TRANK1: variants seen among roughly 807,000 people sequenced by gnomAD.
The protein encoded by TRANK1 is tetratricopeptide repeat and ankyrin repeat containing 1.
TRANK1 carries 198 observed loss-of-function variants against 266.0 expected under a neutral mutation model. The ratio of observed to expected loss-of-function variants is 0.74; its 90% CI spans 0.66 to 0.84. The LOEUF is 0.84. Among genes scored for constraint, TRANK1 ranks in the 40% least tolerant of loss-of-function variants. The pLI is 0.00. For synonymous variants in TRANK1, 1,396 were observed against 1,384.1 expected, an observed-to-expected ratio of 1.01 and a Z score of -0.19; for missense variants, 3,326 against 3,634.6, an observed-to-expected ratio of 0.92 and a Z score of 2.18.
At position 36,855,695 on chromosome 3, in the gene TRANK1, G is replaced by C; in HGVS notation, c.4027C>G (p.Pro1343Ala). The change falls in exon 13 of 24, where the codon CCT (proline) becomes GCT (alanine). Residue 1343 changes from proline to alanine, a missense_variant. Transcript: ENST00000645898. The stretch of plus-strand genomic sequence containing the variant: ...TTTATTTCTTTCCAAATCAGTGCAG[G>C]GTTGTAGGCAGTCCTCCCTTTGGTC... ...KMTKGRTAYN[P>A]ALIWKEIKSF... 3 of 1,613,752 alleles carry C rather than the reference G, an allele frequency of 1.9e-6. No individual in the cohort carries two copies. The highest frequency in any genetic ancestry group is 2.2e-5 in the East Asian group (1 of 44,858).
At chr3:36,847,769 G>A (rs192621490) in intron 15 of TRANK1, among the ~76,000 whole-genome samples, 15 of 152,322 alleles carry the variant, frequency 9.8e-5, no homozygotes, top group Admixed American at 2.6e-4. Context: ...ATTTAACCGA[G>A]GATGAAGAAA....
chr3:36,854,843 T>C (rs1173746114), intron 13 of TRANK1, among the ~76,000 whole-genome samples: 3 of 152,088 alleles, frequency 2.0e-5, no homozygotes, highest in Admixed American at 1.3e-4. Flanking sequence ...TTACTTTATA[T>C]AGAACGAGCA....
At chr3:36,908,734 A>G (rs1056783932) in intron 1 of TRANK1, among the ~76,000 whole-genome samples, 1 of 152,210 alleles carries the variant, frequency 6.6e-6, no homozygotes, top group Non-Finnish European at 1.5e-5. Flanking sequence ...GCATGAGACA[A>G]CATAAACCTG....
At chr3:36,868,123 G>A (rs2079253645) in intron 9 of TRANK1, among the ~76,000 whole-genome samples, 1 of 152,156 alleles carries the variant, frequency 6.6e-6, no homozygotes, top group African/African-American at 2.4e-5. Flanking sequence ...CACTGAACTG[G>A]AATAACTCGG....
At chr3:36,944,511 G>A (rs1326160831) in intron 1 of TRANK1, among the ~76,000 whole-genome samples, 3 of 152,186 alleles carry the variant, frequency 2.0e-5, no homozygotes, top group Non-Finnish European at 4.4e-5. Context: ...ATGCCGGGGT[G>A]GGAGCTAGGC....
rs1361876646 is a variant in TRANK1, at chr3:36,879,795, T to C, written c.908-5499A>G. Among the ~76,000 whole-genome samples, 2 of 45,734 alleles carry C rather than the reference T, an allele frequency of 4.4e-5. 1 individual carries two copies. The highest frequency in any genetic ancestry group is 5.3e-4 in the Admixed American group (2 of 3,784). The allele number at this position is 45,734 out of a possible 152,430, so 30.0% of individuals were successfully genotyped here. Reference sequence around the variant, plus strand: ...AAATATATATAAATATGTAAATATATAAATATACAAATATATGTAAATATA... The same window carrying C: ...AAATATATATAAATATGTAAATATACAAATATACAAATATATGTAAATATA... On this transcript the variant is annotated intron_variant, in intron 8 of 23. Coordinates refer to ENST00000645898, the MANE Select transcript of TRANK1 (RefSeq NM_001329998.2).
intron 21 of TRANK1, 54 bp downstream of exon 21, chr3:36,834,708 C>T (rs1294682250): frequency 6.4e-7 from 1 of 1,570,384 alleles, no homozygotes; most frequent in Admixed American, 1.8e-5. Context: ...CAGGCTGCCC[C>T]CAGAGAGAAG....
At chr3:36,921,896 CT>C (rs1190436532) in intron 1 of TRANK1, among the ~76,000 whole-genome samples, 1 of 152,158 alleles carries the variant, frequency 6.6e-6, no homozygotes, top group African/African-American at 2.4e-5. Flanking sequence ...AATCCCAAAA[CT>C]TTAGAAGGCT....
chr3:36,877,911 A>C (rs2079412978), intron 8 of TRANK1, among the ~76,000 whole-genome samples: 1 of 152,226 alleles, frequency 6.6e-6, no homozygotes, highest in Non-Finnish European at 1.5e-5. Context: ...GATTAATACA[A>C]AGTTGTTTTT....
At position 36,874,172 on chromosome 3, in the gene TRANK1, G is replaced by C; in HGVS notation, c.1032C>G (p.Ile344Met). 6.5e-7 allele frequency: 1 copy of C among 1,537,378 alleles called. No homozygotes were observed. The highest frequency in any genetic ancestry group is 8.7e-7 in the Non-Finnish European group (1 of 1,146,852). ...RNKNFKAIEK[I>M]NSHLEKLATC... ...TAGCTAGCTTTTCTAAGTGACTGTT[G>C]ATTTTCTCGATGGCTTTGAAGTTCT... The change falls in exon 9 of 24, where the codon ATC (isoleucine) becomes ATG (methionine). Residue 344 changes from isoleucine to methionine, a missense_variant. Physicochemically the swap from Ile to Met is conservative, Grantham distance 10. Coordinates refer to ENST00000645898, the MANE Select transcript of TRANK1 (RefSeq NM_001329998.2).
At chr3:36,870,263 C>A (rs866899548) in intron 9 of TRANK1, among the ~76,000 whole-genome samples, 1 of 152,156 alleles carries the variant, frequency 6.6e-6, no homozygotes, top group East Asian at 1.9e-4. Flanking sequence ...CAAAATTAGC[C>A]GGGCATGGTG....
Position 36,855,632 on chromosome 3 carries a change from G to T in TRANK1, c.4090C>A (p.Pro1364Thr), listed in dbSNP as rs373886748. 1.2e-6 allele frequency: 2 copies of T among 1,613,698 alleles called. No individual in the cohort carries two copies. Among genetic ancestry groups the T allele is most frequent in the Non-Finnish European group, 1.7e-6 (2 of 1,179,866 alleles). Reference protein sequence around the residue: ...LKGSFEALSCPHGRLTEEVYK... With the variant: ...LKGSFEALSCTHGRLTEEVYK... ...ACTTCTTCAGTGAGTCTCCCATGGGGACAGCTGAGGGCCTCAAAAGAACCC... is the reference window on the plus strand; with the variant it reads ...ACTTCTTCAGTGAGTCTCCCATGGGTACAGCTGAGGGCCTCAAAAGAACCC... The change falls in exon 13 of 24, where the codon CCC (proline) becomes ACC (threonine). Residue 1364 changes from proline to threonine, a missense_variant. Physicochemically the swap from Pro to Thr is conservative, Grantham distance 38. Transcript: ENST00000645898.
intron 1 of TRANK1, among the ~76,000 whole-genome samples, chr3:36,934,568 C>T (rs1254492208): frequency 6.6e-6 from 1 of 152,146 alleles, no homozygotes; most frequent in Non-Finnish European, 1.5e-5. Flanking sequence ...CAGGGGTGTC[C>T]TACCCTCACC....
chr3:36,944,928 G>A lies in TRANK1; in HGVS notation c.-119C>T. On this transcript the variant is annotated 5_prime_UTR_variant, in exon 1 of 24. Coordinates refer to ENST00000645898, the MANE Select transcript of TRANK1 (RefSeq NM_001329998.2). ...GCTACCGGAGCCCGGGGCAGGGGCG[G>A]CGCGATGCAGAGGCGGCGTTCGGGG... 4.5e-6 allele frequency: 5 copies of A among 1,108,616 alleles called. No homozygotes were observed. The highest frequency in any genetic ancestry group is 5.9e-6 in the Non-Finnish European group (5 of 842,090). 68.7% of individuals were successfully genotyped at this position (1,108,616 alleles called of 1,614,324 possible).
chr3:36,849,760 C>G (rs2078963013), intron 15 of TRANK1, among the ~76,000 whole-genome samples: 1 of 152,224 alleles, frequency 6.6e-6, no homozygotes, highest in African/African-American at 2.4e-5. Context: ...CATCTGCTGA[C>G]TGACTCCCTT....
At chr3:36,924,622 A>G (rs2080262089) in intron 1 of TRANK1, among the ~76,000 whole-genome samples, 1 of 152,214 alleles carries the variant, frequency 6.6e-6, no homozygotes, top group African/African-American at 2.4e-5. Context: ...GAACAGGGCT[A>G]AAAAGAAAGA....
chr3:36,939,043 A>G (rs1369244273), intron 1 of TRANK1, among the ~76,000 whole-genome samples: 1 of 152,008 alleles, frequency 6.6e-6, no homozygotes. Flanking sequence ...AGTCTGAGGC[A>G]GGAGAATCGC....
At position 36,831,652 on chromosome 3, in the gene TRANK1, A is replaced by C; in HGVS notation, c.7931T>G (p.Met2644Arg). 6.2e-7 allele frequency: 1 copy of C among 1,613,936 alleles called. No homozygotes were observed. The highest frequency in any genetic ancestry group is 8.5e-7 in the Non-Finnish European group (1 of 1,179,856). ...LLFERDEEYL[M>R]DCDWRWDPVH... ...AGGGTCCCACCGCCAGTCACAGTCC[A>C]TTAGGTACTCTTCATCCCGCTCAAA... is the stretch of plus-strand genomic sequence containing the variant. Residue 2644 changes from methionine (M) to arginine (R), a missense_variant, in exon 22 of 24, where the codon ATG becomes AGG. Met to Arg is a moderately conservative substitution (Grantham distance 91, BLOSUM62 -1). Transcript: ENST00000645898. The surrounding 1 kb of genome is among the most constrained non-coding windows in gnomAD (Gnocchi z 5.0).
chr3:36,828,491 A>G, intron 23 of TRANK1, 116 bp from the exon 24 acceptor site: 1 of 752,866 alleles, frequency 1.3e-6, no homozygotes, highest in Non-Finnish European at 2.2e-6. Context: ...GAAAGGAAGG[A>G]AGGGCAGAAT....
Sources: gnomAD v4.1 joint callset for allele counts (sites outside exome capture counted in the v4.1 genomes callset) on GRCh38, gnomAD v4.1.1 for gene constraint, Gnocchi (gnomAD v3.1) non-coding constraint, MANE v1.5 for transcripts, NCBI Gene and HGNC (gene_info 2026-07-23, HGNC 2026-07-21) for gene names.